The following DOP1A variants were observed in gnomAD, a reference collection of about 807,000 sequenced individuals.
DOP1A encodes DOP1 leucine zipper like protein A, also known as protein DOP1A.
A neutral mutation model predicts 267.6 loss-of-function variants in DOP1A; 90 were observed. That is an observed-to-expected ratio of 0.34 (90% CI 0.28 to 0.40). DOP1A has a LOEUF of 0.40. Ranked by LOEUF, DOP1A falls within the 10% of genes least tolerant of loss-of-function variation. DOP1A has a pLI of 1.00. For synonymous variants in DOP1A, 932 were observed against 999.1 expected, an observed-to-expected ratio of 0.93 and a Z score of 1.27; for missense variants, 2,437 against 2,900.4, an observed-to-expected ratio of 0.84 and a Z score of 3.67.
chr6:83,137,761 G>A lies in DOP1A; in HGVS notation c.3719G>A (p.Cys1240Tyr), dbSNP rs1043966724. 2 of 1,613,642 alleles carry A rather than the reference G, an allele frequency of 1.2e-6. No individual in the cohort carries two copies. Among genetic ancestry groups the A allele is most frequent in the Non-Finnish European group, 1.7e-6 (2 of 1,179,866 alleles). ...ATCTCCAGGAATAGCTCCTCACCTT[G>A]TATTTCAGGAACCACACACACTCTT... ...NGISRNSSSP[C>Y]ISGTTHTLHD... Residue 1240 changes from cysteine (C) to tyrosine (Y), a missense_variant, in exon 21 of 39, where the codon TGT becomes TAT. Physicochemically the swap from Cys to Tyr is radical, Grantham distance 194. Transcript: ENST00000349129.
At position 83,122,041 on chromosome 6, in the gene DOP1A, A is replaced by G; in HGVS notation, c.1211A>G (p.Gln404Arg). The change falls in exon 11 of 39, where the codon CAG becomes CGG. Residue 404 changes from glutamine (Q) to arginine (R), a missense_variant. Around this residue, in one of 9 missense-constraint regions of DOP1A, gnomAD observed 498 missense variants for 513.5 expected, o/e 0.97. Transcript: ENST00000349129. ...CCACCCTTCAGCAAGGATCATGCTC[A>G]GTTAAGCAGGTGGATTATCAAAAAA... The part of the protein sequence containing the change: ...TEPPFSKDHA[Q>R]LSSKLRENKK... 6.2e-7 allele frequency: 1 copy of G among 1,610,010 alleles called. No individual in the cohort carries two copies. The highest frequency in any genetic ancestry group is 1.1e-5 in the South Asian group (1 of 90,538).
At chr6:83,070,538 C>T (rs1309295637) in intron 1 of DOP1A, among the ~76,000 whole-genome samples, 1 of 152,206 alleles carries the variant, frequency 6.6e-6, no homozygotes, top group African/African-American at 2.4e-5. Context: ...GCTACCACCA[C>T]AATCAAGATT....
Position 83,147,254 on chromosome 6 carries a change from G to A in DOP1A, c.5695G>A (p.Val1899Ile). The change falls in exon 26 of 39, where the codon GTC (valine) becomes ATC (isoleucine). Residue 1899 changes from valine to isoleucine, a missense_variant. Physicochemically the swap from Val to Ile is conservative, Grantham distance 29. Coordinates refer to ENST00000349129, the MANE Select transcript of DOP1A (RefSeq NM_015018.4). ...AKDKKHLSLE[V>I]CMLQFFYAYI... is the part of the protein sequence containing the mutation. ...TTTATAGAAACATCTTTCTTTGGAA[G>A]TCTGCATGCTTCAGTTTTTCTATGC... 6.7e-7 allele frequency: 1 copy of A among 1,492,288 alleles called. No homozygotes were observed. Among genetic ancestry groups the A allele is most frequent in the Non-Finnish European group, 9.2e-7 (1 of 1,090,248 alleles). 92.4% of individuals were successfully genotyped at this position (1,492,288 alleles called of 1,614,324 possible).
At chr6:83,136,868 C>G (rs1562344536) in intron 20 of DOP1A, among the ~76,000 whole-genome samples, 1 of 152,044 alleles carries the variant, frequency 6.6e-6, no homozygotes, top group Non-Finnish European at 1.5e-5. Flanking sequence ...AAGCCTTCCA[C>G]CTTTTCTAAA....
intron 1 of DOP1A, among the ~76,000 whole-genome samples, chr6:83,094,213 A>G (rs1771028692): frequency 1.3e-5 from 2 of 152,282 alleles, no homozygotes; most frequent in Non-Finnish European, 1.5e-5. Context: ...AATGTTTTCA[A>G]GGTTCATGCG....
chr6:83,096,833 A>G lies in DOP1A; in HGVS notation c.-54+10A>G. ...TCAACCACTGCTAACAGTAAGGAAC[A>G]TTTTCAAGTTAGTCATTACCTTTGT... On this transcript the variant is annotated intron_variant, in intron 2 of 38. Coordinates refer to ENST00000349129, the MANE Select transcript of DOP1A (RefSeq NM_015018.4). The G allele has an allele frequency of 4.4e-6, 4 of 914,194 alleles. No homozygotes were observed. The South Asian group carries it at 8.1e-5, about 19-fold the overall frequency. 56.6% of individuals were successfully genotyped at this position (914,194 alleles called of 1,614,324 possible). A position where few individuals can be genotyped will look rare whatever the true frequency, so the allele number is the denominator to read the frequency against.
chr6:83,135,941 T>C, intron 20 of DOP1A, 63 bp downstream of exon 20: 1 of 1,546,156 alleles, frequency 6.5e-7, no homozygotes, highest in Non-Finnish European at 8.8e-7. Context: ...GATACATGAA[T>C]ACAACAGTAA....
intron 21 of DOP1A, 77 bp downstream of exon 21, chr6:83,139,239 A>AC: frequency 9.0e-7 from 1 of 1,112,000 alleles, no homozygotes; most frequent in Non-Finnish European, 1.3e-6. Context: ...AAAGTTGGTC[A>AC]CAACTTGAGT....
rs781412793 is a variant in DOP1A, at chr6:83,138,137, C to CT, written c.4096dup (p.Tyr1366LeufsTer12). On this transcript the variant is annotated frameshift_variant, in exon 21 of 39. Transcript: ENST00000349129. LOFTEE classifies it high-confidence loss of function. ...CTCCCAATTTCAACATTCATCCTCT[C>CT]TATCAACATGTGCTCCTGTATCTCC... is the stretch of plus-strand genomic sequence containing the variant. 4 of 1,613,976 alleles carry CT rather than the reference C, an allele frequency of 2.5e-6. No individual in the cohort carries two copies. Among genetic ancestry groups the CT allele is most frequent in the Non-Finnish European group, 3.4e-6 (4 of 1,179,906 alleles).
Position 83,108,990 on chromosome 6 carries a change from T to C in DOP1A, c.401T>C (p.Leu134Pro), listed in dbSNP as rs1184674296. Residue 134 changes from leucine to proline, a missense_variant, in exon 5 of 39, where the codon CTG becomes CCG. Physicochemically the swap from Leu to Pro is moderately conservative, Grantham distance 98 (BLOSUM62 -3). Transcript: ENST00000349129. ...CTCAGTTTGTATGAGATATATTATC[T>C]GCCTTTGGGTAAAACACTGAAACCT... Reference protein sequence around the residue: ...TLLSLYEIYYLPLGKTLKPGL... With the variant: ...TLLSLYEIYYPPLGKTLKPGL... 1.9e-6 allele frequency: 3 copies of C among 1,613,900 alleles called. No homozygotes were observed. The highest frequency in any genetic ancestry group is 1.7e-5 in the Admixed American group (1 of 60,016).
chr6:83,147,970 G>A (rs1478935819), intron 26 of DOP1A, among the ~76,000 whole-genome samples: 1 of 152,198 alleles, frequency 6.6e-6, no homozygotes, highest in East Asian at 1.9e-4. Flanking sequence ...CGTACAAGGT[G>A]AAGGAAAAAG....
In DOP1A at chr6:83,068,918, C is replaced by T. The variant is rs569298237; in HGVS notation, c.-147+1139C>T. ...GTAATTGTTAAGCAGTAGCAAATCT[C>T]CACGTGGGCTTGATTATTAGGTACC... On this transcript the variant is annotated intron_variant, in intron 1 of 38. Coordinates refer to ENST00000349129, the MANE Select transcript of DOP1A (RefSeq NM_015018.4). Among the ~76,000 whole-genome samples the T allele has an allele frequency of 2.6e-5, 4 of 152,290 alleles. No homozygotes were observed. The South Asian group carries it at 8.3e-4, about 32-fold the overall frequency.
chr6:83,164,709 C>T, intron 38 of DOP1A: 1 of 1,590,566 alleles, frequency 6.3e-7, no homozygotes, highest in Non-Finnish European at 8.6e-7. Context: ...TTGGAGATGG[C>T]CAAGCATCAG....
At position 83,154,282 on chromosome 6, in the gene DOP1A, A is replaced by T. The variant is rs749279626; in HGVS notation, c.6451+41A>T. On this transcript the variant is annotated intron_variant, in intron 33 of 38. Coordinates refer to ENST00000349129, the MANE Select transcript of DOP1A (RefSeq NM_015018.4). Reference sequence around the variant, plus strand: ...TGACAATCCAAGTTCTTTCCTGTACATGGTTCCTTCTTACTATTTACTTGT... The same window carrying T: ...TGACAATCCAAGTTCTTTCCTGTACTTGGTTCCTTCTTACTATTTACTTGT... 11 of 1,559,290 alleles carry T rather than the reference A, an allele frequency of 7.1e-6. 1 individual carries two copies. In the South Asian group the frequency reaches 1.1e-4, roughly 16 times the overall value.
At chr6:83,092,792 C>G (rs1299842946) in intron 1 of DOP1A, among the ~76,000 whole-genome samples, 1 of 152,130 alleles carries the variant, frequency 6.6e-6, no homozygotes, top group Non-Finnish European at 1.5e-5. Flanking sequence ...ATAACCCACA[C>G]AGCTACTAAG....
chr6:83,081,353 C>T (rs746656762), intron 1 of DOP1A, among the ~76,000 whole-genome samples: 1 of 152,162 alleles, frequency 6.6e-6, no homozygotes, highest in Non-Finnish European at 1.5e-5. Flanking sequence ...GTGATCCACC[C>T]ACCTCAACCT....
At position 83,118,982 on chromosome 6, in the gene DOP1A, T is replaced by C; in HGVS notation, c.875T>C (p.Leu292Pro). The C allele has an allele frequency of 1.2e-6, 2 of 1,613,366 alleles. No homozygotes were observed. The highest frequency in any genetic ancestry group is 1.7e-6 in the Non-Finnish European group (2 of 1,179,438). Residue 292 changes from leucine to proline, a missense_variant, in exon 8 of 39, where the codon CTT becomes CCT. This residue lies in a region of DOP1A where 251 missense variants were observed against 359.1 expected (regional missense o/e 0.70). Transcript: ENST00000349129. ...CTGAATCGAAGACTTTATGCATGGC[T>C]TCTTGGTAGGTATTTGATGTCTGTG... Reference protein sequence around the residue: ...MSLNRRLYAWLLGFDNNGAII... With the variant: ...MSLNRRLYAWPLGFDNNGAII...
Position 83,129,365 on chromosome 6 carries a change from A to G in DOP1A, c.2198A>G (p.Asn733Ser), listed in dbSNP as rs957004028. Reference sequence around the variant, plus strand: ...TCACAAGGAGATGTAAAAGAGAAAAACATAAGTAAACAAAAAACTTCTAAA... The same window carrying G: ...TCACAAGGAGATGTAAAAGAGAAAAGCATAAGTAAACAAAAAACTTCTAAA... Reference protein sequence around the residue: ...RNSQGDVKEKNISKQKTSKEY... With the variant: ...RNSQGDVKEKSISKQKTSKEY... Residue 733 changes from asparagine (N) to serine (S), a missense_variant, in exon 16 of 39, where the codon AAC (asparagine) becomes AGC (serine). Coordinates refer to ENST00000349129, the MANE Select transcript of DOP1A (RefSeq NM_015018.4). 9.3e-6 allele frequency: 15 copies of G among 1,611,256 alleles called. No individual in the cohort carries two copies. The highest frequency in any genetic ancestry group is 1.3e-5 in the African/African-American group (1 of 74,686).
At chr6:83,118,584 A>G (rs1167578402) in intron 7 of DOP1A, among the ~76,000 whole-genome samples, 4 of 152,150 alleles carry the variant, frequency 2.6e-5, no homozygotes, top group Admixed American at 2.6e-4. Context: ...TGTCTGTCCC[A>G]TCTTGCTTCA....
Sources: allele counts gnomAD v4.1 joint callset (sites outside exome capture counted in the v4.1 genomes callset), GRCh38; gene constraint gnomAD v4.1.1; regional missense constraint gnomAD v4.1.1; transcripts MANE v1.5; gene names NCBI Gene and HGNC (gene_info 2026-07-23, HGNC 2026-07-21).